Variants in POU2F3 observed in about 807,000 individuals in gnomAD.
POU2F3 encodes the protein POU class 2 homeobox 3, also known as POU domain, class 2, transcription factor 3.
Under a neutral mutation model 59.2 loss-of-function variants are expected in POU2F3, and 23 were observed. That is an observed-to-expected ratio of 0.39 (90% confidence interval 0.28 to 0.55). The LOEUF (loss-of-function observed/expected upper bound fraction) is 0.55, where lower values mean the gene tolerates loss of function less well. Ranked by LOEUF, POU2F3 falls within the 20% of genes least tolerant of loss-of-function variation. The probability of loss-of-function intolerance (pLI) is 0.66; values close to 1 mark genes in which losing one functional copy is unlikely to be tolerated. For synonymous variants in POU2F3, 190 were observed against 214.6 expected, an observed-to-expected ratio of 0.89 and a Z score of 1.00; for missense variants, 473 against 544.5, an observed-to-expected ratio of 0.87 and a Z score of 1.31.
At position 120,305,181 on chromosome 11, in the gene POU2F3, A is replaced by G. The variant is rs763732001; in HGVS notation, c.596A>G (p.Lys199Arg). 13 of 1,613,882 alleles carry G rather than the reference A, an allele frequency of 8.1e-6. No homozygotes were observed. In the South Asian group the frequency reaches 1.4e-4, roughly 18 times the overall value. The stretch of plus-strand genomic sequence containing the variant: ...CTGGAGAAGTTTGCCAAGACCTTCA[A>G]GCAGAGGCGCATTAAGCTGGGCTTC... ...EELEKFAKTF[K>R]QRRIKLGFTQ... is the part of the protein sequence containing the mutation. Residue 199 changes from lysine to arginine, a missense_variant, in exon 7 of 13, where the codon AAG becomes AGG. Physicochemically the swap from Lys to Arg is conservative, Grantham distance 26. Transcript: ENST00000543440.
chr11:120,261,554 A>G (rs1939606010), intron 2 of POU2F3, among the ~76,000 whole-genome samples: 1 of 152,166 alleles, frequency 6.6e-6, no homozygotes, highest in Admixed American at 6.5e-5. Flanking sequence ...ATTTGCTCCC[A>G]AGACCTCCAG....
intron 2 of POU2F3, chr11:120,256,547 C>G (rs1419167824): frequency 6.6e-6 from 1 of 152,216 alleles, no homozygotes; most frequent in East Asian, 1.9e-4. Context: ...ATGTCCAGGA[C>G]TCTCGAGTTG....
At chr11:120,271,253 A>G (rs917734377) in intron 3 of POU2F3, among the ~76,000 whole-genome samples, 7 of 152,334 alleles carry the variant, frequency 4.6e-5, no homozygotes, top group African/African-American at 1.4e-4. Context: ...CTTCCAGCCA[A>G]TGCAGTTTAT....
At chr11:120,298,459 A>G in intron 4 of POU2F3, 69 bp downstream of exon 4, 1 of 1,592,278 alleles carries the variant, frequency 6.3e-7, no homozygotes, top group African/African-American at 1.4e-5. Context: ...CTCGACTTCC[A>G]TGCTTGGTAC....
At chr11:120,299,521 T>C (rs544879505) in intron 4 of POU2F3, 103 bp from the exon 5 acceptor site, 1 of 961,736 alleles carries the variant, frequency 1.0e-6, no homozygotes, top group Non-Finnish European at 1.6e-6. Flanking sequence ...GCCTGCAAAG[T>C]CTCTGAGTCT....
At chr11:120,257,218 G>A (rs1939378515) in intron 2 of POU2F3, among the ~76,000 whole-genome samples, 1 of 152,142 alleles carries the variant, frequency 6.6e-6, no homozygotes, top group Non-Finnish European at 1.5e-5. Flanking sequence ...GAGGAGACTG[G>A]GGTCAGAGAA....
At chr11:120,296,602 G>A (rs1465032555) in intron 3 of POU2F3, among the ~76,000 whole-genome samples, 4 of 152,148 alleles carry the variant, frequency 2.6e-5, no homozygotes, top group African/African-American at 4.8e-5. Flanking sequence ...TCCCCTCTAT[G>A]TATTCTCATG....
chr11:120,317,097 G>C, intron 11 of POU2F3, 132 bp from the exon 12 acceptor site: 1 of 1,013,304 alleles, frequency 9.9e-7, no homozygotes, highest in South Asian at 1.4e-5. Flanking sequence ...GTAGTCAGGT[G>C]GGTGTGGCTA....
intron 3 of POU2F3, among the ~76,000 whole-genome samples, chr11:120,296,484 C>T (rs1941196039): frequency 6.6e-6 from 1 of 152,102 alleles, no homozygotes; most frequent in South Asian, 2.1e-4. Flanking sequence ...GTTGGTTGTA[C>T]AGATTATTTC....
chr11:120,265,174 C>T (rs978953520), intron 2 of POU2F3, among the ~76,000 whole-genome samples: 1 of 152,190 alleles, frequency 6.6e-6, no homozygotes, highest in Non-Finnish European at 1.5e-5. Context: ...ATGAGGGCTG[C>T]GGTGGTTCCT....
intron 2 of POU2F3, 77 bp downstream of exon 2, chr11:120,246,594 T>C: frequency 3.3e-6 from 5 of 1,507,088 alleles, no homozygotes; most frequent in Non-Finnish European, 4.6e-6. Flanking sequence ...AACTGGTGTC[T>C]CTTCTTGCTT....
chr11:120,317,304 C>G lies in POU2F3; in HGVS notation c.1211C>G (p.Thr404Ser), dbSNP rs1356597655. The G allele has an allele frequency of 1.2e-6, 2 of 1,614,036 alleles. No individual in the cohort carries two copies. The highest frequency in any genetic ancestry group is 1.7e-6 in the Non-Finnish European group (2 of 1,179,984). The change falls in exon 12 of 13, where the codon ACT becomes AGT. Residue 404 changes from threonine to serine, a missense_variant. By Grantham distance (58) the Thr-to-Ser change is moderately conservative. Coordinates refer to ENST00000543440, the MANE Select transcript of POU2F3 (RefSeq NM_014352.4). ...TCAGGACTCCACGCCAGCAGCCCCA[C>G]TGCATCTCAAAATAACTCCAAAGCA... is the stretch of plus-strand genomic sequence containing the variant. The part of the protein sequence containing the change: ...PGSGLHASSP[T>S]ASQNNSKAAV...
chr11:120,305,352 G>C (rs1226641954), intron 7 of POU2F3, 140 bp downstream of exon 7: 15 of 1,035,472 alleles, frequency 1.4e-5, no homozygotes, highest in Admixed American at 5.7e-5. Flanking sequence ...TCTGAGAATA[G>C]GGCACAGTTG....
chr11:120,256,912 G>A (rs1219638044), intron 2 of POU2F3: 1 of 152,206 alleles, frequency 6.6e-6, no homozygotes, highest in African/African-American at 2.4e-5. Flanking sequence ...GACAGATGTG[G>A]GTTTCAGTCT....
intron 3 of POU2F3, among the ~76,000 whole-genome samples, chr11:120,283,772 CGTGTGTGTGTGT>C (rs36099803): frequency 3.9e-4 from 51 of 130,444 alleles, no homozygotes; most frequent in South Asian, 1.1e-3. Context: ...TAATAGGCTT[CGTGTGTGTGTGT>C]GTGTGTGTGT....
upstream of POU2F3, among the ~76,000 whole-genome samples, chr11:120,238,441 AGGTGCTGG>A (rs144128166): frequency 2.4e-3 from 364 of 152,096 alleles, 1 homozygote; most frequent in East Asian, 0.023. Flanking sequence ...GCCCTGTTCT[AGGTGCTGG>A]GGTGCTGGCA....
chr11:120,287,545 T>C (rs749734631), intron 3 of POU2F3, among the ~76,000 whole-genome samples: 19 of 152,208 alleles, frequency 1.2e-4, no homozygotes, highest in Non-Finnish European at 2.8e-4. Context: ...ATTATTTCCC[T>C]TTTATACATA....
intron 2 of POU2F3, among the ~76,000 whole-genome samples, chr11:120,268,903 C>T (rs548405163): frequency 6.6e-5 from 10 of 152,226 alleles, no homozygotes; most frequent in Non-Finnish European, 1.3e-4. Flanking sequence ...TAGAAGCATG[C>T]GGTGGAGTGA....
At chr11:120,261,022 C>T (rs924661436) in intron 2 of POU2F3, among the ~76,000 whole-genome samples, 7 of 151,992 alleles carry the variant, frequency 4.6e-5, no homozygotes, top group African/African-American at 1.5e-4. Flanking sequence ...GCCATGATTG[C>T]ACCACTGCAC....
Sources: gnomAD v4.1 joint callset for allele counts (sites outside exome capture counted in the v4.1 genomes callset) on GRCh38, gnomAD v4.1.1 for gene constraint, MANE v1.5 for transcripts, NCBI Gene and HGNC (gene_info 2026-07-23, HGNC 2026-07-21) for gene names.